The following ZNF616 variants were observed in gnomAD, a reference collection of about 807,000 sequenced individuals.
The protein encoded by ZNF616 is zinc finger protein 616.
Under a neutral mutation model 7.6 loss-of-function variants are expected in ZNF616, and 5 were observed. The observed-to-expected ratio is 0.66, with a 90% CI of 0.34 to 1.38. The LOEUF (loss-of-function observed/expected upper bound fraction) is 1.38. Ranked by LOEUF, ZNF616 falls within the 40% of genes most tolerant of loss-of-function variation. The pLI is 0.04. For missense variants in ZNF616, 913 were observed against 948.3 expected (o/e 0.96, Z 0.49); for synonymous variants, 319 against 317.2 (o/e 1.01, Z -0.06).
Position 52,115,295 on chromosome 19 carries a change from A to G in ZNF616, c.1869T>C (p.His623=). ...AFNQGSTLNR[H]QRIHTGEKPY... ...GTTTCTCTCCGGTATGAATTCTCTGATGTCTATTGAGTGTGGAGCCCTGAT... is the reference window on the plus strand; with the variant it reads ...GTTTCTCTCCGGTATGAATTCTCTGGTGTCTATTGAGTGTGGAGCCCTGAT... Residue 623 remains histidine, a synonymous_variant, in exon 4 of 4, where the codon CAT becomes CAC. Coordinates refer to ENST00000600228, the MANE Select transcript of ZNF616 (RefSeq NM_178523.5). 5 of 1,613,862 alleles carry G rather than the reference A, an allele frequency of 3.1e-6. No individual in the cohort carries two copies. The highest frequency in any genetic ancestry group is 1.1e-5 in the South Asian group (1 of 91,072).
Position 52,116,375 on chromosome 19 carries a change from G to T in ZNF616, c.789C>A (p.His263Gln), listed in dbSNP as rs753193954. 1.9e-6 allele frequency: 3 copies of T among 1,614,130 alleles called. No individual in the cohort carries two copies. The highest frequency in any genetic ancestry group is 2.5e-6 in the Non-Finnish European group (3 of 1,180,012). The change falls in exon 4 of 4, where the codon CAC becomes CAA. Residue 263 changes from histidine to glutamine, a missense_variant. Transcript: ENST00000600228. ...NSYFVRHQRS[H>Q]TGQKPYICNE... ...TACATATGTAGGGTTTCTGTCCAGT[G>T]TGACTCCTTTGGTGTCTTACAAAAT...
rs1173074034 is a variant in ZNF616, at chr19:52,115,504, A to G, written c.1660T>C (p.Cys554Arg). 2 of 1,614,168 alleles carry G rather than the reference A, an allele frequency of 1.2e-6. No homozygotes were observed. The highest frequency in any genetic ancestry group is 1.3e-5 in the African/African-American group (1 of 75,054). The change falls in exon 4 of 4, where the codon TGT becomes CGT. Residue 554 changes from cysteine to arginine, a missense_variant. Transcript: ENST00000600228. ...TGEKPYKCKE[C>R]GKVFSQCSRL... Reference sequence around the variant, plus strand: ...GAACATTGACTGAAGACCTTGCCACATTCTTTGCATTTGTAAGGCTTCTCT... The same window carrying G: ...GAACATTGACTGAAGACCTTGCCACGTTCTTTGCATTTGTAAGGCTTCTCT...
rs180877285 is a variant in ZNF616, at chr19:52,125,333, C to T, written c.13-1284G>A. ...CCAGCTGTGAACGTGTGAAATCAAA[C>T]GACTTAAGTGCTTCCAACATCCAAC... is the stretch of plus-strand genomic sequence containing the variant. On this transcript the variant is annotated intron_variant, in intron 2 of 3. Coordinates refer to ENST00000600228, the MANE Select transcript of ZNF616 (RefSeq NM_178523.5). Among the ~76,000 whole-genome samples the T allele has an allele frequency of 4.6e-3, 704 of 152,282 alleles. 6 individuals are homozygous for T. Among genetic ancestry groups the T allele is most frequent in the Admixed American group, 9.5e-3 (145 of 15,300 alleles).
intron 1 of ZNF616, among the ~76,000 whole-genome samples, chr19:52,135,178 G>A (rs1249938702): frequency 6.6e-6 from 1 of 151,986 alleles, no homozygotes; most frequent in Non-Finnish European, 1.5e-5. Context: ...AAACTTCCTT[G>A]GGGTCCACAC....
Position 52,130,564 on chromosome 19 carries a change from C to T in ZNF616, c.-52G>A, listed in dbSNP as rs1397718690. ...TCCTCTTCTGGGTTTCTTTCTCAGTCAATGTAATTATTCACACATCAAACC... is the reference window on the plus strand; with the variant it reads ...TCCTCTTCTGGGTTTCTTTCTCAGTTAATGTAATTATTCACACATCAAACC... On this transcript the variant is annotated 5_prime_UTR_variant, in exon 2 of 4. Transcript: ENST00000600228. 17 of 1,588,542 alleles carry T rather than the reference C, an allele frequency of 1.1e-5. No individual in the cohort carries two copies. The highest frequency in any genetic ancestry group is 1.5e-5 in the Non-Finnish European group (17 of 1,170,170).
rs558046138 is a variant in ZNF616 at position 52,134,488 on chromosome 19, G to A, written c.-76-3900C>T. ...GAGTCAGTAGGTCAGAAGTATAGGT[G>A]ACAACCTACTACTTTCGAAATGGTA... On this transcript the variant is annotated intron_variant, in intron 1 of 3. Transcript: ENST00000600228. 5.9e-5 allele frequency among the ~76,000 whole-genome samples: 9 copies of A among 152,310 alleles called. No homozygotes were observed. In the South Asian group the frequency reaches 1.7e-3, roughly 28 times the overall value.
At chr19:52,118,133 C>G (rs987602059) in intron 3 of ZNF616, among the ~76,000 whole-genome samples, 8 of 152,094 alleles carry the variant, frequency 5.3e-5, no homozygotes, top group African/African-American at 1.9e-4. Context: ...TTGGTAGAGA[C>G]AGAGTTTTCC....
intron 3 of ZNF616, among the ~76,000 whole-genome samples, chr19:52,122,637 AT>A (rs531564625): frequency 3.8e-3 from 537 of 142,638 alleles, no homozygotes; most frequent in Admixed American, 6.1e-3. Context: ...TCCATTAACA[AT>A]TTTTTTTTTT....
rs1178447632 is a variant in ZNF616 at position 52,114,971 on chromosome 19, G to A, written c.2193C>T (p.Ser731=). Reference sequence around the variant, plus strand: ...AATGAATTCTTTGGTGTTTGCTGAGGGAAAACAACCGCCCAAAGGCTTTGC... The same window carrying A: ...AATGAATTCTTTGGTGTTTGCTGAGAGAAAACAACCGCCCAAAGGCTTTGC... ...ECGKAFGRLF[S]LSKHQRIHSG... The change falls in exon 4 of 4, where the codon TCC becomes TCT. Residue 731 remains serine (S), a synonymous_variant. Transcript: ENST00000600228. The A allele has an allele frequency of 6.2e-7, 1 of 1,614,130 alleles. No individual in the cohort carries two copies. The highest frequency in any genetic ancestry group is 1.1e-5 in the South Asian group (1 of 91,082).
intron 3 of ZNF616, among the ~76,000 whole-genome samples, chr19:52,121,175 C>T (rs894087958): frequency 6.6e-6 from 1 of 152,234 alleles, no homozygotes; most frequent in African/African-American, 2.4e-5. Flanking sequence ...CTGACTCAGC[C>T]TCCCGAGTAG....
At chr19:52,123,861 A>G in intron 3 of ZNF616, 62 bp downstream of exon 3, 2 of 1,606,374 alleles carry the variant, frequency 1.2e-6, no homozygotes, top group Non-Finnish European at 1.7e-6. Flanking sequence ...AAGAAAGACA[A>G]CAGAGGAAAT....
chr19:52,121,606 T>TACAG (rs1475980966), intron 3 of ZNF616, among the ~76,000 whole-genome samples: 1 of 151,974 alleles, frequency 6.6e-6, no homozygotes, highest in Non-Finnish European at 1.5e-5. Flanking sequence ...AACCCAGAAA[T>TACAG]ACAGCCACAG....
rs116066177 is a variant in ZNF616 at position 52,115,710 on chromosome 19, C to A, written c.1454G>T (p.Arg485Ile). The A allele has an allele frequency of 1.3e-5, 21 of 1,614,004 alleles. No homozygotes were observed. In the East Asian group the frequency reaches 4.2e-4, roughly 33 times the overall value. ...SIHSRLAAHQ[R>I]IHTGEKPYKC... ...GTAAGGTTTCTCTCCAGTATGAATT[C>A]TCTGATGAGCTGCAAGTCGTGAATG... Residue 485 changes from arginine to isoleucine, a missense_variant, in exon 4 of 4, where the codon AGA (arginine) becomes ATA (isoleucine). Transcript: ENST00000600228.
intron 2 of ZNF616, among the ~76,000 whole-genome samples, chr19:52,127,630 C>T (rs1344525442): frequency 6.6e-6 from 1 of 152,074 alleles, no homozygotes; most frequent in East Asian, 1.9e-4. Flanking sequence ...AAAGAAAGAT[C>T]AGTTATTTAT....
Position 52,115,212 on chromosome 19 carries a change from T to C in ZNF616, c.1952A>G (p.His651Arg). The C allele has an allele frequency of 6.2e-7, 1 of 1,614,230 alleles. No individual in the cohort carries two copies. The highest frequency in any genetic ancestry group is 8.5e-7 in the Non-Finnish European group (1 of 1,180,040). Residue 651 changes from histidine to arginine, a missense_variant, in exon 4 of 4, where the codon CAT becomes CGT. Physicochemically the swap from His to Arg is conservative, Grantham distance 29 (BLOSUM62 0). Coordinates refer to ENST00000600228, the MANE Select transcript of ZNF616 (RefSeq NM_178523.5). ...SFSQRVHLRL[H>R]QTVHTGDRPY... ...TCTGTCTCCAGTATGAACAGTCTGATGAAGTCTAAGATGGACACGCTGACT... is the reference window on the plus strand; with the variant it reads ...TCTGTCTCCAGTATGAACAGTCTGACGAAGTCTAAGATGGACACGCTGACT...
intron 2 of ZNF616, among the ~76,000 whole-genome samples, chr19:52,125,968 T>C (rs902035207): frequency 6.6e-6 from 1 of 152,046 alleles, no homozygotes; most frequent in Admixed American, 6.6e-5. Context: ...AGCAAACCTC[T>C]TCAATAGGGA....
At chr19:52,119,244 G>A (rs969303170) in intron 3 of ZNF616, among the ~76,000 whole-genome samples, 8 of 152,054 alleles carry the variant, frequency 5.3e-5, no homozygotes, top group African/African-American at 1.9e-4. Context: ...GGGTGTGGGG[G>A]CAGGTGTCTG....
At chr19:52,129,242 G>A (rs912596600) in intron 2 of ZNF616, among the ~76,000 whole-genome samples, 12 of 152,138 alleles carry the variant, frequency 7.9e-5, no homozygotes, top group African/African-American at 2.7e-4. Flanking sequence ...TCACGCCATT[G>A]TAGTCCGGCC....
chr19:52,115,511 G>T lies in ZNF616; in HGVS notation c.1653C>A (p.Cys551Ter). ...RIHTGEKPYK[C>*]KECGKVFSQC... Reference sequence around the variant, plus strand: ...GACTGAAGACCTTGCCACATTCTTTGCATTTGTAAGGCTTCTCTCCAGTAT... The same window carrying T: ...GACTGAAGACCTTGCCACATTCTTTTCATTTGTAAGGCTTCTCTCCAGTAT... Residue 551 changes from cysteine (C) to a stop codon, truncating the protein, a stop_gained, in exon 4 of 4, where the codon TGC becomes TGA. Transcript: ENST00000600228. LOFTEE classifies it low-confidence loss of function (END_TRUNC). 1 of 1,613,906 alleles carries T rather than the reference G, an allele frequency of 6.2e-7. No individual in the cohort carries two copies. Among genetic ancestry groups the T allele is most frequent in the Non-Finnish European group, 8.5e-7 (1 of 1,179,986 alleles).
Sources: allele counts gnomAD v4.1 joint callset (sites outside exome capture counted in the v4.1 genomes callset), GRCh38; gene constraint gnomAD v4.1.1; transcripts MANE v1.5; gene names NCBI Gene and HGNC (gene_info 2026-07-23, HGNC 2026-07-21).